Variants in TSHR observed in about 807,000 individuals in gnomAD.
TSHR encodes thyroid stimulating hormone receptor.
Under a neutral mutation model 64.1 loss-of-function variants are expected in TSHR, and 51 were observed. That is an observed-to-expected ratio of 0.80 (90% CI 0.64 to 1.01). The LOEUF is 1.01. Ranked by LOEUF, TSHR falls within the 50% of genes least tolerant of loss-of-function variation. The probability of loss-of-function intolerance (pLI) is 0.00; values close to 1 mark genes in which losing one functional copy is unlikely to be tolerated. For synonymous variants in TSHR, 361 were observed against 361.9 expected (o/e 1.00, Z 0.03); for missense variants, 877 against 942.8 (o/e 0.93, Z 0.91).
At chr14:80,970,714 GA>G (rs1262300601) in intron 1 of TSHR, among the ~76,000 whole-genome samples, 1 of 152,210 alleles carries the variant, frequency 6.6e-6, no homozygotes, top group Non-Finnish European at 1.5e-5. Context: ...TGATAAATGG[GA>G]AAATGGGTTA....
Position 81,058,779 on chromosome 14 carries a change from C to A in TSHR, c.171-3369C>A, listed in dbSNP as rs558617579. Among the ~76,000 whole-genome samples the A allele has an allele frequency of 2.6e-5, 4 of 152,244 alleles. No homozygotes were observed. The South Asian group carries it at 8.3e-4, about 32-fold the overall frequency. ...TTTCCATAAATATTCAAAATGTATT[C>A]TGAAATTAAAATAAAATATTTCTAT... On this transcript the variant is annotated intron_variant, in intron 1 of 9. Transcript: ENST00000298171.
chr14:81,141,417 A>G (rs1043963416), intron 9 of TSHR, among the ~76,000 whole-genome samples: 2 of 152,212 alleles, frequency 1.3e-5, no homozygotes, highest in East Asian at 3.8e-4. Flanking sequence ...AAGTTAAAGA[A>G]TCCCTTTTGT....
chr14:81,138,102 C>T (rs747176015), intron 8 of TSHR, among the ~76,000 whole-genome samples: 3 of 152,090 alleles, frequency 2.0e-5, no homozygotes, highest in Non-Finnish European at 2.9e-5. Flanking sequence ...TCTCACTAAC[C>T]GCAAAGGTGT....
chr14:80,983,324 C>T, intron 1 of TSHR: 7 of 1,102,132 alleles, frequency 6.4e-6, no homozygotes, highest in East Asian at 2.4e-5. Context: ...ACATTGTTGC[C>T]GGTGACTTTT....
At chr14:81,001,928 TC>T (rs1889347472) in intron 1 of TSHR, 3 of 193,252 alleles carry the variant, frequency 1.6e-5, no homozygotes, top group Non-Finnish European at 3.2e-5. Flanking sequence ...CATTCATTTT[TC>T]TTCCTCCCCT....
Position 81,103,521 on chromosome 14 carries a change from C to T in TSHR, c.615-4854C>T. The T allele has an allele frequency of 1.0e-6, 1 of 985,434 alleles. No individual in the cohort carries two copies. The highest frequency in any genetic ancestry group is 1.2e-6 in the Non-Finnish European group (1 of 829,940). The allele number at this position is 985,434 out of a possible 1,614,324, so 61.0% of individuals were successfully genotyped here. ...CAATTACAGCCAAGCTGGACAAATTCCACATCGAGTGCAAGTGCTGATGCC... is the reference window on the plus strand; with the variant it reads ...CAATTACAGCCAAGCTGGACAAATTTCACATCGAGTGCAAGTGCTGATGCC... On this transcript the variant is annotated intron_variant, in intron 7 of 9. Transcript: ENST00000298171. This position sits in a 1 kb window ranked among gnomAD's most constrained non-coding sequence, Gnocchi z 4.1.
chr14:81,034,112 T>G (rs1230246055), intron 1 of TSHR, among the ~76,000 whole-genome samples: 1 of 152,222 alleles, frequency 6.6e-6, no homozygotes, highest in Non-Finnish European at 1.5e-5. Context: ...AGTTTTCTGA[T>G]GCCTACCAGA....
At chr14:81,070,381 C>A (rs1440787267) in intron 3 of TSHR, among the ~76,000 whole-genome samples, 8 of 152,046 alleles carry the variant, frequency 5.3e-5, no homozygotes, top group Non-Finnish European at 8.8e-5. Flanking sequence ...GTAATCCCAG[C>A]ATTTTAGGGG....
At position 80,955,822 on chromosome 14, in the gene TSHR, C is replaced by T. The variant is rs754498150; in HGVS notation, c.142C>T (p.Pro48Ser). Residue 48 changes from proline to serine, a missense_variant, in exon 1 of 10, where the codon CCC becomes TCC. Coordinates refer to ENST00000298171, the MANE Select transcript of TSHR (RefSeq NM_000369.5). The stretch of plus-strand genomic sequence containing the variant: ...CACCTGCAAGGATATTCAACGCATC[C>T]CCAGCTTACCGCCCAGTACGCAGAC... ...RVTCKDIQRI[P>S]SLPPSTQTLK... is the part of the protein sequence containing the mutation. The T allele has an allele frequency of 1.2e-6, 2 of 1,614,174 alleles. No homozygotes were observed. The highest frequency in any genetic ancestry group is 2.2e-5 in the East Asian group (1 of 44,878).
At chr14:81,125,280 T>A (rs138762882) in intron 8 of TSHR, among the ~76,000 whole-genome samples, 4 of 152,196 alleles carry the variant, frequency 2.6e-5, no homozygotes, top group Non-Finnish European at 5.9e-5. Flanking sequence ...AACAAAGGCA[T>A]GTCTATAGGA....
chr14:80,998,816 T>C (rs1245135140), intron 1 of TSHR, among the ~76,000 whole-genome samples: 1 of 152,146 alleles, frequency 6.6e-6, no homozygotes, highest in Non-Finnish European at 1.5e-5. Flanking sequence ...GCTATAATAA[T>C]TTTTGTCTCT....
chr14:80,985,906 T>C (rs1271301795), intron 1 of TSHR, among the ~76,000 whole-genome samples: 1 of 152,204 alleles, frequency 6.6e-6, no homozygotes, highest in Non-Finnish European at 1.5e-5. Context: ...ACATCCCTCA[T>C]TTTGTAGCAA....
intron 9 of TSHR, among the ~76,000 whole-genome samples, chr14:81,141,107 C>A (rs1423703913): frequency 2.0e-5 from 3 of 152,148 alleles, no homozygotes; most frequent in African/African-American, 7.2e-5. Flanking sequence ...GCCTGGGCAA[C>A]AAAGCAAGAT....
chr14:81,071,762 A>AAAATAAAT (rs34030078), intron 3 of TSHR, among the ~76,000 whole-genome samples: 61 of 152,116 alleles, frequency 4.0e-4, no homozygotes, highest in African/African-American at 1.4e-3. Flanking sequence ...GCTGGTCTCT[A>AAAATAAAT]AAATAAATAA....
chr14:81,016,420 T>A (rs1048711851), intron 1 of TSHR, among the ~76,000 whole-genome samples: 3 of 152,248 alleles, frequency 2.0e-5, no homozygotes, highest in Admixed American at 6.5e-5. Flanking sequence ...TATTTCTGTA[T>A]GTCTTCTTTT....
rs1276289265 is a variant in TSHR, at chr14:81,044,607, G to A, written c.171-17541G>A. Among the ~76,000 whole-genome samples the A allele has an allele frequency of 5.3e-4, 79 of 148,784 alleles. 1 individual carries two copies. The highest frequency in any genetic ancestry group is 1.0e-4 in the Non-Finnish European group (7 of 67,610). On this transcript the variant is annotated intron_variant, in intron 1 of 9. Transcript: ENST00000298171. ...TGGGAGGCGGAGGTTGCAGTGAGCC[G>A]AGATTGCGCCACTGCACTCCAGCCT...
intron 1 of TSHR, among the ~76,000 whole-genome samples, chr14:80,961,742 T>C (rs1887040519): frequency 6.6e-6 from 1 of 152,236 alleles, no homozygotes; most frequent in Admixed American, 6.5e-5. Context: ...AACCTAGTTC[T>C]TTATTGAGTT....
At chr14:81,126,921 G>A (rs902585335) in intron 8 of TSHR, among the ~76,000 whole-genome samples, 4 of 152,114 alleles carry the variant, frequency 2.6e-5, no homozygotes, top group Non-Finnish European at 4.4e-5. Flanking sequence ...TCAATTTTGG[G>A]TGATTTTGCC....
At position 81,116,679 on chromosome 14, in the gene TSHR, A is replaced by G. The variant is rs1031973935; in HGVS notation, c.692+8227A>G. On this transcript the variant is annotated intron_variant, in intron 8 of 9. Transcript: ENST00000298171. The stretch of plus-strand genomic sequence containing the variant: ...TTGAACTCAGCTCTGCACCAAGCGG[A>G]CCTAATAGACATCTACAGAACTCTC... 1.1e-4 allele frequency among the ~76,000 whole-genome samples: 16 copies of G among 146,478 alleles called. 1 individual carries two copies. Among genetic ancestry groups the G allele is most frequent in the African/African-American group, 4.2e-4 (16 of 38,130 alleles).
Sources: allele counts gnomAD v4.1 joint callset (sites outside exome capture counted in the v4.1 genomes callset), GRCh38; gene constraint gnomAD v4.1.1; non-coding constraint Gnocchi (gnomAD v3.1); transcripts MANE v1.5; gene names NCBI Gene and HGNC (gene_info 2026-07-23, HGNC 2026-07-21).